The following UGGT1 variants were observed in gnomAD, a reference collection of about 807,000 sequenced individuals.
UGGT1 encodes the protein UDP-glucose:glycoprotein glucosyltransferase 1.
Under a neutral mutation model 203.9 loss-of-function variants are expected in UGGT1, and 107 were observed. That is an observed-to-expected ratio of 0.52 (90% confidence interval 0.45 to 0.62). UGGT1 has a LOEUF of 0.62. Among genes scored for constraint, UGGT1 ranks in the 20% least tolerant of loss-of-function variants. The pLI, the probability that UGGT1 is intolerant of heterozygous loss-of-function variation, is 0.00. For synonymous variants in UGGT1, 628 were observed against 653.5 expected, an observed-to-expected ratio of 0.96 and a Z score of 0.59; for missense variants, 1,673 against 1,867.2, an observed-to-expected ratio of 0.90 and a Z score of 1.92.
At chr2:128,130,066 G>A (rs1307901129) in intron 13 of UGGT1, among the ~76,000 whole-genome samples, 6 of 152,054 alleles carry the variant, frequency 3.9e-5, no homozygotes, top group Non-Finnish European at 8.8e-5. Flanking sequence ...ATTGAGACCA[G>A]CCTGGCCAAC....
chr2:128,102,146 T>TAA (rs1397244188), intron 2 of UGGT1, among the ~76,000 whole-genome samples: 1 of 103,572 alleles, frequency 9.7e-6, no homozygotes, highest in African/African-American at 3.0e-5. Context: ...AAAATCATAA[T>TAA]TTTTTTTTTT....
chr2:128,097,447 G>C lies in UGGT1; in HGVS notation c.77G>C (p.Gly26Ala). 5.0e-6 allele frequency: 8 copies of C among 1,610,610 alleles called. No individual in the cohort carries two copies. The highest frequency in any genetic ancestry group is 6.8e-6 in the Non-Finnish European group (8 of 1,179,136). Residue 26 changes from glycine to alanine, a missense_variant, in exon 2 of 41, where the codon GGA becomes GCA. Transcript: ENST00000259253. ...LPVTGVCYKM[G>A]VLVVLTVLWL... Reference sequence around the variant, plus strand: ...CTTTTAGGAGTTTGCTATAAAATGGGAGTTCTGGTTGTACTCACTGTTCTG... The same window carrying C: ...CTTTTAGGAGTTTGCTATAAAATGGCAGTTCTGGTTGTACTCACTGTTCTG...
intron 2 of UGGT1, among the ~76,000 whole-genome samples, chr2:128,101,349 C>T (rs1687366736): frequency 6.6e-6 from 1 of 152,162 alleles, no homozygotes; most frequent in South Asian, 2.1e-4. Flanking sequence ...GCATCTATCC[C>T]TTAGGGACTA....
chr2:128,123,186 A>G lies in UGGT1; in HGVS notation c.1074A>G (p.Arg358=). The G allele has an allele frequency of 6.2e-7, 1 of 1,612,970 alleles. No homozygotes were observed. The highest frequency in any genetic ancestry group is 1.1e-5 in the South Asian group (1 of 90,936). Residue 358 remains arginine (R), a splice_region_variant and synonymous_variant, in exon 11 of 41, where the codon AGA becomes AGG. Coordinates refer to ENST00000259253, the MANE Select transcript of UGGT1 (RefSeq NM_020120.4). The stretch of plus-strand genomic sequence containing the variant: ...ACTCATAATGTTTTTATTTCCTTAG[A>G]GCAATAACAAAAACAGCTGTGAGCT... ...DLSQNFPTKA[R]AITKTAVSSE...
intron 12 of UGGT1, 52 bp downstream of exon 12, chr2:128,127,504 T>C: frequency 7.7e-7 from 1 of 1,292,714 alleles, no homozygotes; most frequent in South Asian, 1.2e-5. Flanking sequence ...GCGTAGCACC[T>C]TGTAACATGT....
chr2:128,156,661 G>T (rs1341009513), intron 21 of UGGT1, among the ~76,000 whole-genome samples: 2 of 150,648 alleles, frequency 1.3e-5, no homozygotes, highest in Non-Finnish European at 2.9e-5. Flanking sequence ...GGGTTCAAGT[G>T]ATTTCAAGTG....
At chr2:128,098,348 C>T (rs1255776515) in intron 2 of UGGT1, among the ~76,000 whole-genome samples, 1 of 152,208 alleles carries the variant, frequency 6.6e-6, no homozygotes, top group Non-Finnish European at 1.5e-5. Flanking sequence ...GGGTGGATCA[C>T]CTGAGGTCAG....
chr2:128,173,939 G>C lies in UGGT1; in HGVS notation c.3453G>C (p.Leu1151=). 2 of 1,613,644 alleles carry C rather than the reference G, an allele frequency of 1.2e-6. No individual in the cohort carries two copies. The change falls in exon 30 of 41, where the codon CTG becomes CTC. Residue 1151 remains leucine, a splice_region_variant and synonymous_variant. Coordinates refer to ENST00000259253, the MANE Select transcript of UGGT1 (RefSeq NM_020120.4). ...VIVDTIVMAN[L]GYFQLKANPG... ...TGGACACCATTGTTATGGCCAATCT[G>C]GTAAATAATCTGTTCATCAGATAGT...
At chr2:128,113,024 G>T in intron 5 of UGGT1, 60 bp from the exon 6 acceptor site, 1 of 1,379,794 alleles carries the variant, frequency 7.2e-7, no homozygotes, top group Non-Finnish European at 9.6e-7. Context: ...TATATTTTGT[G>T]ACATTTTTAG....
Position 128,173,887 on chromosome 2 carries a change from T to A in UGGT1, c.3401T>A (p.Leu1134Ter). The A allele has an allele frequency of 6.2e-7, 1 of 1,614,170 alleles. No homozygotes were observed. The highest frequency in any genetic ancestry group is 8.5e-7 in the Non-Finnish European group (1 of 1,180,022). The change falls in exon 30 of 41, where the codon TTA becomes TAA. Residue 1134 changes from leucine (L) to a stop codon, truncating the protein, a stop_gained. Coordinates refer to ENST00000259253, the MANE Select transcript of UGGT1 (RefSeq NM_020120.4). LOFTEE classifies it high-confidence loss of function. ...GQPPRGLQFT[L>*]GTSANPVIVD... is the part of the protein sequence containing the mutation. ...CCTCCACGGGGACTACAGTTTACCT[T>A]AGGAACTTCAGCCAACCCGGTCATT...
intron 7 of UGGT1, among the ~76,000 whole-genome samples, chr2:128,115,572 T>C (rs1030861274): frequency 6.6e-6 from 1 of 151,834 alleles, no homozygotes; most frequent in Non-Finnish European, 1.5e-5. Context: ...GTAGTAGCTA[T>C]TGTTGTTGAT....
chr2:128,148,921 C>A (rs7423842), intron 18 of UGGT1, among the ~76,000 whole-genome samples: 20,344 of 152,170 alleles, frequency 0.13, 1,491 homozygotes, highest in Non-Finnish European at 0.16. Flanking sequence ...ATAAAGAGAA[C>A]CCCTGAGAAT....
At chr2:128,124,124 T>G (rs1688504407) in intron 11 of UGGT1, among the ~76,000 whole-genome samples, 1 of 152,124 alleles carries the variant, frequency 6.6e-6, no homozygotes, top group African/African-American at 2.4e-5. Context: ...TTTTTTGTAT[T>G]TTTAGTAGAG....
intron 1 of UGGT1, among the ~76,000 whole-genome samples, chr2:128,096,492 A>G (rs1446531914): frequency 2.6e-5 from 4 of 152,198 alleles, no homozygotes; most frequent in Non-Finnish European, 4.4e-5. Context: ...TCCTTAGCTT[A>G]CAGTATAATT....
At chr2:128,185,174 A>G (rs1323079192) in intron 38 of UGGT1, among the ~76,000 whole-genome samples, 1 of 148,398 alleles carries the variant, frequency 6.7e-6, no homozygotes, top group Non-Finnish European at 1.5e-5. Flanking sequence ...CAAAAATGGT[A>G]TCACCCAACA....
At chr2:128,169,077 AAAAAAAAAAAAAAAG>A (rs1690954240) in intron 26 of UGGT1, among the ~76,000 whole-genome samples, 1 of 130,282 alleles carries the variant, frequency 7.7e-6, no homozygotes, top group Non-Finnish European at 1.7e-5. Context: ...AAAAAAAAAA[AAAAAAAAAAAAAAAG>A]ACAAGGACCA....
chr2:128,096,981 A>G (rs1199450539), intron 1 of UGGT1, among the ~76,000 whole-genome samples: 1 of 152,226 alleles, frequency 6.6e-6, no homozygotes, highest in African/African-American at 2.4e-5. Flanking sequence ...ATTAAGTGCT[A>G]TTATATGTCA....
At chr2:128,098,305 G>C (rs1558746433) in intron 2 of UGGT1, among the ~76,000 whole-genome samples, 1 of 152,196 alleles carries the variant, frequency 6.6e-6, no homozygotes, top group Admixed American at 6.5e-5. Context: ...GGTGGCTCAC[G>C]CCTATAATCC....
intron 1 of UGGT1, among the ~76,000 whole-genome samples, chr2:128,094,858 C>G (rs1304610476): frequency 6.6e-6 from 1 of 150,904 alleles, no homozygotes. Context: ...AAGCGATTCT[C>G]CTGCCTCAGC....
Sources: allele counts gnomAD v4.1 joint callset (sites outside exome capture counted in the v4.1 genomes callset), GRCh38; gene constraint gnomAD v4.1.1; transcripts MANE v1.5; gene names NCBI Gene and HGNC (gene_info 2026-07-23, HGNC 2026-07-21).